TMEM132B: variants seen among roughly 807,000 people sequenced by gnomAD.
The protein encoded by TMEM132B is transmembrane protein 132B.
TMEM132B carries 18 observed loss-of-function variants against 90.8 expected under a neutral mutation model. That is an observed-to-expected ratio of 0.20 (90% confidence interval 0.14 to 0.29). TMEM132B has a LOEUF of 0.29. Among genes scored for constraint, TMEM132B ranks in the 10% least tolerant of loss-of-function variants. The probability of loss-of-function intolerance (pLI) is 1.00; values close to 1 mark genes in which losing one functional copy is unlikely to be tolerated. For missense variants in TMEM132B, 1,096 were observed against 1,326.8 expected (o/e 0.83, Z 2.70); for synonymous variants, 504 against 523.3 (o/e 0.96, Z 0.50).
intron 5 of TMEM132B, among the ~76,000 whole-genome samples, chr12:125,595,495 A>G (rs948303710): frequency 1.3e-5 from 2 of 152,198 alleles, no homozygotes; most frequent in East Asian, 3.9e-4. Flanking sequence ...AGCACTTGCT[A>G]TGTGCTCAGC....
chr12:125,524,281 CCAGATAGGGCACTGGAT>C (rs1883388049), intron 4 of TMEM132B, among the ~76,000 whole-genome samples: 1 of 152,132 alleles, frequency 6.6e-6, no homozygotes, highest in South Asian at 2.1e-4. Context: ...GGAAAATGTC[CCAGATAGGGCACTGGAT>C]CAGATTCAGC....
At chr12:125,320,940 C>T (rs1321640159) in intron 1 of TMEM132B, among the ~76,000 whole-genome samples, 1 of 152,196 alleles carries the variant, frequency 6.6e-6, no homozygotes, top group African/African-American at 2.4e-5. Flanking sequence ...AGAACCTCAC[C>T]TGAGCTCATT....
At position 125,654,291 on chromosome 12, in the gene TMEM132B, C is replaced by T; in HGVS notation, c.2833C>T (p.Pro945Ser). ...TGCTGTGAGTGAGCAGGGCAACATCCCCCATTCCCACGACTGGGTCTGGCT... is the reference window on the plus strand; with the variant it reads ...TGCTGTGAGTGAGCAGGGCAACATCTCCCATTCCCACGACTGGGTCTGGCT... ...RFAVSEQGNIPHSHDWVWLGN... is the reference protein window; with the variant it reads ...RFAVSEQGNISHSHDWVWLGN... Residue 945 changes from proline to serine, a missense_variant, in exon 9 of 9, where the codon CCC becomes TCC. Pro to Ser is a moderately conservative substitution (Grantham distance 74, BLOSUM62 -1). Coordinates refer to ENST00000682704, the MANE Select transcript of TMEM132B (RefSeq NM_001366854.1). This position sits in a 1 kb window ranked among gnomAD's most constrained non-coding sequence, Gnocchi z 5.8. 1 of 1,613,460 alleles carries T rather than the reference C, an allele frequency of 6.2e-7. No individual in the cohort carries two copies. Among genetic ancestry groups the T allele is most frequent in the Non-Finnish European group, 8.5e-7 (1 of 1,180,022 alleles).
At chr12:125,468,935 A>C (rs535247752) in intron 3 of TMEM132B, among the ~76,000 whole-genome samples, 1 of 152,220 alleles carries the variant, frequency 6.6e-6, no homozygotes, top group African/African-American at 2.4e-5. Context: ...ATTTTTATAC[A>C]TTGATTTTGC....
intron 7 of TMEM132B, 62 bp downstream of exon 7, chr12:125,651,015 G>A: frequency 1.3e-6 from 2 of 1,587,442 alleles, no homozygotes; most frequent in Non-Finnish European, 1.7e-6. Context: ...GGTAGATGCT[G>A]TTGTGCAGAT....
chr12:125,196,539 C>T (rs1404725040), intron 1 of TMEM132B, among the ~76,000 whole-genome samples: 3 of 152,168 alleles, frequency 2.0e-5, no homozygotes, highest in African/African-American at 2.4e-5. Context: ...GAAACCCCAT[C>T]GCTACTGAAA....
rs1203719113 is a variant in TMEM132B, at chr12:125,277,719, A to G, written c.68-71733A>G. On this transcript the variant is annotated intron_variant, in intron 1 of 8. Coordinates refer to ENST00000682704, the MANE Select transcript of TMEM132B (RefSeq NM_001366854.1). This position sits in a 1 kb window ranked among gnomAD's most constrained non-coding sequence, Gnocchi z 4.3. ...TCTTGGACCTCTGGCCCCCAGGACT[A>G]TGAGAGAATAAATTTCTGTTGTTAT... 1.3e-5 allele frequency among the ~76,000 whole-genome samples: 2 copies of G among 152,122 alleles called. No homozygotes were observed. The highest frequency in any genetic ancestry group is 6.5e-5 in the Admixed American group (1 of 15,268).
intron 4 of TMEM132B, among the ~76,000 whole-genome samples, chr12:125,566,835 C>CTTTTTT (rs869196346): frequency 8.9e-5 from 7 of 78,740 alleles, no homozygotes; most frequent in South Asian, 4.7e-4. Flanking sequence ...TCTTCTTCTT[C>CTTTTTT]TTTTTTTTTT....
chr12:125,501,694 G>A (rs1472877141), intron 3 of TMEM132B, among the ~76,000 whole-genome samples: 1 of 152,108 alleles, frequency 6.6e-6, no homozygotes, highest in Non-Finnish European at 1.5e-5. Context: ...TAATGTACTG[G>A]GGTCTGACAT....
At chr12:125,198,168 G>A (rs891167217) in intron 1 of TMEM132B, among the ~76,000 whole-genome samples, 33 of 152,154 alleles carry the variant, frequency 2.2e-4, no homozygotes, top group African/African-American at 4.8e-5. Flanking sequence ...GATATTTTAA[G>A]TTTCCAATGT....
intron 1 of TMEM132B, among the ~76,000 whole-genome samples, chr12:125,257,803 G>A (rs1176045138): frequency 2.6e-5 from 4 of 152,282 alleles, no homozygotes; most frequent in African/African-American, 9.6e-5. Context: ...CTGGGATGAT[G>A]TGGCCACAAG....
At chr12:125,486,915 GA>G (rs1185660161) in intron 3 of TMEM132B, among the ~76,000 whole-genome samples, 1 of 152,190 alleles carries the variant, frequency 6.6e-6, no homozygotes, top group South Asian at 2.1e-4. Context: ...TGAACAGTCT[GA>G]AGACCTCAAG....
chr12:125,275,066 G>C (rs1029037709), intron 1 of TMEM132B, among the ~76,000 whole-genome samples: 2 of 152,176 alleles, frequency 1.3e-5, no homozygotes, highest in African/African-American at 4.8e-5. Flanking sequence ...ACCCACTTCA[G>C]AATTATCTTT....
At chr12:125,359,126 C>CA (rs567643525) in intron 2 of TMEM132B, among the ~76,000 whole-genome samples, 80 of 152,298 alleles carry the variant, frequency 5.3e-4, no homozygotes, top group African/African-American at 1.9e-3. Context: ...ACATGGCCCC[C>CA]ACATCTCTTG....
chr12:125,188,380 G>T (rs1957772131), intron 1 of TMEM132B, among the ~76,000 whole-genome samples: 1 of 152,206 alleles, frequency 6.6e-6, no homozygotes, highest in African/African-American at 2.4e-5. Flanking sequence ...TTGCAAAAGT[G>T]CAGTCCCTCG....
intron 3 of TMEM132B, among the ~76,000 whole-genome samples, chr12:125,511,383 A>AT (rs1208930304): frequency 1.2e-4 from 18 of 152,192 alleles, no homozygotes; most frequent in Admixed American, 1.2e-3. Context: ...CAAGGAAAGC[A>AT]TTGTAGTCGG....
At position 125,660,725 on chromosome 12, in the gene TMEM132B, T is replaced by C. The variant is rs1355853672; in HGVS notation, c.*6015T>C. ...GCAATAATGTTATCAACTTACAATATTGGACAATCTTCATATTCTATGAGA... is the reference window on the plus strand; with the variant it reads ...GCAATAATGTTATCAACTTACAATACTGGACAATCTTCATATTCTATGAGA... On this transcript the variant is annotated 3_prime_UTR_variant, in exon 9 of 9. Coordinates refer to ENST00000682704, the MANE Select transcript of TMEM132B (RefSeq NM_001366854.1). 1.3e-5 allele frequency: 2 copies of C among 152,240 alleles called. No homozygotes were observed. The highest frequency in any genetic ancestry group is 2.4e-5 in the African/African-American group (1 of 41,470). 9.4% of individuals were successfully genotyped at this position (152,240 alleles called of 1,614,324 possible).
At chr12:125,452,394 A>G (rs1881177379) in intron 3 of TMEM132B, among the ~76,000 whole-genome samples, 1 of 152,196 alleles carries the variant, frequency 6.6e-6, no homozygotes, top group Non-Finnish European at 1.5e-5. Context: ...GCATTGACAG[A>G]CATTTAGTTT....
intron 2 of TMEM132B, among the ~76,000 whole-genome samples, chr12:125,409,410 G>C (rs1228922624): frequency 6.6e-6 from 1 of 152,222 alleles, no homozygotes; most frequent in Admixed American, 6.5e-5. Flanking sequence ...CCTGTCCCGT[G>C]AGGAGGCATC....
Sources: allele counts gnomAD v4.1 joint callset (sites outside exome capture counted in the v4.1 genomes callset), GRCh38; gene constraint gnomAD v4.1.1; non-coding constraint Gnocchi (gnomAD v3.1); transcripts MANE v1.5; gene names NCBI Gene and HGNC (gene_info 2026-07-23, HGNC 2026-07-21).